CD163L1: variants seen among roughly 807,000 people sequenced by gnomAD.
CD163L1 encodes the protein scavenger receptor cysteine-rich type 1 protein M160.
CD163L1 carries 124 observed loss-of-function variants against 165.4 expected under a neutral mutation model. The ratio of observed to expected loss-of-function variants is 0.75; its 90% CI spans 0.65 to 0.87. CD163L1 has a LOEUF of 0.87. Ranked by LOEUF, CD163L1 falls within the 40% of genes least tolerant of loss-of-function variation. The pLI, the probability that CD163L1 is intolerant of heterozygous loss-of-function variation, is 0.00. For synonymous variants in CD163L1, 585 were observed against 662.2 expected (o/e 0.88, Z 1.79); for missense variants, 1,525 against 1,799.9 (o/e 0.85, Z 2.76).
chr12:7,406,713 C>G lies in CD163L1; in HGVS notation c.906G>C (p.Gln302His), dbSNP rs761427685. Residue 302 changes from glutamine to histidine, a missense_variant, in exon 5 of 20, where the codon CAG becomes CAC. Gln to His is a conservative substitution (Grantham distance 24). Coordinates refer to ENST00000313599, the MANE Select transcript of CD163L1 (RefSeq NM_174941.6). ...AGTGAAGTGCGGTTCCACATCCCAA[C>G]TGCTTGCATACGACATCAGCTGCAG... Reference protein sequence around the residue: ...NNAAADVVCKQLGCGTALHFA... With the variant: ...NNAAADVVCKHLGCGTALHFA... The G allele has an allele frequency of 4.8e-5, 78 of 1,614,110 alleles. 3 individuals are homozygous for G. In the South Asian group the frequency reaches 7.6e-4, roughly 16 times the overall value.
downstream of CD163L1, among the ~76,000 whole-genome samples, chr12:7,344,700 G>A (rs1946657895): frequency 6.6e-6 from 1 of 152,230 alleles, no homozygotes; most frequent in Non-Finnish European, 1.5e-5. Context: ...TTCTGCCTGG[G>A]CACCCAGGCT....
Position 7,398,218 on chromosome 12 carries a change from A to T in CD163L1, c.1729+46T>A, listed in dbSNP as rs1321962034. 6 of 1,533,444 alleles carry T rather than the reference A, an allele frequency of 3.9e-6. No homozygotes were observed. In the African/African-American group the frequency reaches 5.5e-5, roughly 14 times the overall value. 95.0% of individuals were successfully genotyped at this position (1,533,444 alleles called of 1,614,324 possible). A position where few individuals can be genotyped will look rare whatever the true frequency, so the allele number is the denominator to read the frequency against. On this transcript the variant is annotated intron_variant, in intron 7 of 19. Transcript: ENST00000313599. The surrounding 1 kb of genome is among the most constrained non-coding windows in gnomAD (Gnocchi z 4.5). Reference sequence around the variant, plus strand: ...GACCCAGAAGCCCTTCCTATGAGGAATACTATTTCTCTTATCAGGAAATAA... The same window carrying T: ...GACCCAGAAGCCCTTCCTATGAGGATTACTATTTCTCTTATCAGGAAATAA...
At position 7,438,211 on chromosome 12, in the gene CD163L1, C is replaced by A. The variant is rs772941531; in HGVS notation, c.124+2943G>T. ...TAAAATGATTTCCTTAAAATAAATT[C>A]CCAAAACTGGAAATAATGGATGAAA... On this transcript the variant is annotated intron_variant, in intron 2 of 19. Coordinates refer to ENST00000313599, the MANE Select transcript of CD163L1 (RefSeq NM_174941.6). 6.6e-5 allele frequency among the ~76,000 whole-genome samples: 10 copies of A among 152,118 alleles called. No individual in the cohort carries two copies. The East Asian group carries it at 1.9e-3, about 29-fold the overall frequency.
At chr12:7,421,086 C>CGTATATATAT (rs1948359509) in intron 4 of CD163L1, among the ~76,000 whole-genome samples, 2 of 94,138 alleles carry the variant, frequency 2.1e-5, no homozygotes, top group South Asian at 7.4e-4. Context: ...TATATATATA[C>CGTATATATAT]GTATATATAT....
Position 7,413,552 on chromosome 12 carries a change from C to A in CD163L1, c.767-6700G>T, listed in dbSNP as rs147528011. Among the ~76,000 whole-genome samples, 737 of 152,314 alleles carry A rather than the reference C, an allele frequency of 4.8e-3. 9 individuals are homozygous for A. The highest frequency in any genetic ancestry group is 0.017 in the African/African-American group (697 of 41,572). ...ATCCCTCCGCTAGCTAATATTTACC[C>A]CCATCAATCTATGCATCTCGCCCCT... On this transcript the variant is annotated intron_variant, in intron 4 of 19. Transcript: ENST00000313599.
intron 4 of CD163L1, among the ~76,000 whole-genome samples, chr12:7,415,756 T>G (rs767867738): frequency 7.2e-5 from 11 of 152,176 alleles, no homozygotes; most frequent in Non-Finnish European, 1.5e-4. Context: ...GGACATAAAC[T>G]CACCCGTTTT....
chr12:7,375,340 A>C lies in CD163L1; in HGVS notation c.2942T>G (p.Met981Arg), dbSNP rs754912548. The change falls in exon 11 of 20, where the codon ATG (methionine) becomes AGG (arginine). Residue 981 changes from methionine to arginine, a missense_variant. By Grantham distance (91) the Met-to-Arg change is moderately conservative. Coordinates refer to ENST00000313599, the MANE Select transcript of CD163L1 (RefSeq NM_174941.6). ...ACAGGGAGGTGCTCCAAGAACTGTC[A>C]TTTGACAGTTATCCAGAAGTGACTC... is the stretch of plus-strand genomic sequence containing the variant. ...GNESLLDNCQ[M>R]TVLGAPPCIH... is the part of the protein sequence containing the mutation. 1.9e-6 allele frequency: 3 copies of C among 1,614,194 alleles called. No homozygotes were observed. The highest frequency in any genetic ancestry group is 2.5e-6 in the Non-Finnish European group (3 of 1,180,028).
chr12:7,354,315 T>C (rs770491247), downstream of CD163L1, among the ~76,000 whole-genome samples: 76 of 152,218 alleles, frequency 5.0e-4, no homozygotes, highest in Admixed American at 5.9e-4. Context: ...TTATAATTCC[T>C]ATAGGAACAA....
At chr12:7,381,340 C>A (rs1947404100) in intron 8 of CD163L1, among the ~76,000 whole-genome samples, 1 of 152,130 alleles carries the variant, frequency 6.6e-6, no homozygotes, top group Non-Finnish European at 1.5e-5. Context: ...CACTTCAGTC[C>A]CACTTCCTGC....
rs775796852 is a variant in CD163L1 at position 7,403,705 on chromosome 12, G to A, written c.1238C>T (p.Pro413Leu). ...ACGACGACTGCCAAAGACGCTGAACGGACATCCTAGCTGCTTACAAACCAC... is the reference window on the plus strand; with the variant it reads ...ACGACGACTGCCAAAGACGCTGAACAGACATCCTAGCTGCTTACAAACCAC... ...ALVVCKQLGCPFSVFGSRRAK... is the reference protein window; with the variant it reads ...ALVVCKQLGCLFSVFGSRRAK... Residue 413 changes from proline (P) to leucine (L), a missense_variant, in exon 6 of 20, where the codon CCG (proline) becomes CTG (leucine). Coordinates refer to ENST00000313599, the MANE Select transcript of CD163L1 (RefSeq NM_174941.6). 15 of 1,613,890 alleles carry A rather than the reference G, an allele frequency of 9.3e-6. No homozygotes were observed. Among genetic ancestry groups the A allele is most frequent in the African/African-American group, 1.3e-5 (1 of 74,886 alleles).
intron 2 of CD163L1, among the ~76,000 whole-genome samples, chr12:7,437,633 G>C (rs1010602854): frequency 1.3e-5 from 2 of 149,150 alleles, no homozygotes; most frequent in Admixed American, 6.7e-5. Flanking sequence ...ATGGTTTCCA[G>C]CTTCATCCAT....
chr12:7,417,229 G>A (rs1948262759), intron 4 of CD163L1, among the ~76,000 whole-genome samples: 1 of 152,054 alleles, frequency 6.6e-6, no homozygotes, highest in Admixed American at 6.6e-5. Context: ...TCTATTATTG[G>A]TGTACAGGAA....
At chr12:7,359,934 A>G (rs902837369) in intron 18 of CD163L1, among the ~76,000 whole-genome samples, 2 of 151,830 alleles carry the variant, frequency 1.3e-5, no homozygotes, top group African/African-American at 4.8e-5. Context: ...CTTGCTTTTG[A>G]TATTTTTCCT....
At chr12:7,335,612 T>A in the CD163L1 span, among the ~76,000 whole-genome samples, 1 of 152,090 alleles carries the variant, frequency 6.6e-6, no homozygotes, top group Non-Finnish European at 1.5e-5. Flanking sequence ...GGACTTCATG[T>A]TTAAAACACC....
intron 4 of CD163L1, among the ~76,000 whole-genome samples, chr12:7,419,288 C>T (rs1197455153): frequency 2.6e-5 from 4 of 151,886 alleles, no homozygotes; most frequent in Non-Finnish European, 4.4e-5. Flanking sequence ...GCAGAAAAAG[C>T]ATTTAACAAA....
chr12:7,396,415 C>A lies in CD163L1; in HGVS notation c.1730G>T (p.Gly577Val). The change falls in exon 8 of 20, where the codon GGT (glycine) becomes GTT (valine). Residue 577 changes from glycine (G) to valine (V), a missense_variant and splice_region_variant. Transcript: ENST00000313599. The part of the protein sequence containing the change: ...HREDVIVTCS[G>V]DATWGLRLVG... ...CAGCCTCAGGCCCCATGTTGCATCA[C>A]CTGCACCAAGAACAATGAAGCAAGT... is the stretch of plus-strand genomic sequence containing the variant. 6.3e-7 allele frequency: 1 copy of A among 1,598,814 alleles called. No individual in the cohort carries two copies. The highest frequency in any genetic ancestry group is 8.6e-7 in the Non-Finnish European group (1 of 1,169,318).
At chr12:7,427,003 T>C (rs1555203251) in intron 4 of CD163L1, among the ~76,000 whole-genome samples, 1 of 151,942 alleles carries the variant, frequency 6.6e-6, no homozygotes, top group Non-Finnish European at 1.5e-5. Context: ...ATCAAGAGGA[T>C]ATAACAAGAA....
chr12:7,438,997 C>T, intron 2 of CD163L1: 1 of 1,604,704 alleles, frequency 6.2e-7, no homozygotes, highest in Non-Finnish European at 8.5e-7. Flanking sequence ...TTCTCGGGGT[C>T]TTCTTTTTCC....
chr12:7,325,931 G>A, the CD163L1 span, among the ~76,000 whole-genome samples: 1 of 152,022 alleles, frequency 6.6e-6, no homozygotes, highest in African/African-American at 2.4e-5. Context: ...CTTACCTCCT[G>A]TACTCACTCT....
Sources: allele counts gnomAD v4.1 joint callset (sites outside exome capture counted in the v4.1 genomes callset), GRCh38; gene constraint gnomAD v4.1.1; non-coding constraint Gnocchi (gnomAD v3.1); transcripts MANE v1.5; gene names NCBI Gene and HGNC (gene_info 2026-07-23, HGNC 2026-07-21).